FAT3: variants seen among roughly 807,000 people sequenced by gnomAD.
The protein encoded by FAT3 is protocadherin Fat 3.
FAT3 carries 95 observed loss-of-function variants against 310.2 expected under a neutral mutation model. The ratio of observed to expected loss-of-function variants is 0.31; its 90% CI spans 0.26 to 0.36. FAT3 has a LOEUF of 0.36. FAT3 is among the 10% of genes least tolerant of loss of function. The pLI is 1.00. For missense variants in FAT3, 5,408 were observed against 5,715.6 expected (o/e 0.95, Z 1.74); for synonymous variants, 2,314 against 2,192.9 (o/e 1.06, Z -1.54).
chr11:92,719,234 C>T (rs1467371522), intron 4 of FAT3, among the ~76,000 whole-genome samples: 1 of 152,188 alleles, frequency 6.6e-6, no homozygotes, highest in African/African-American at 2.4e-5. Flanking sequence ...TTAGCATTTC[C>T]TCCTCTATTA....
intron 2 of FAT3, among the ~76,000 whole-genome samples, chr11:92,415,220 G>A (rs991257110): frequency 6.6e-6 from 1 of 152,140 alleles, no homozygotes; most frequent in Non-Finnish European, 1.5e-5. Context: ...CTCTTTATAA[G>A]TTACAAACCT....
At chr11:92,662,027 A>G (rs1288116095) in intron 3 of FAT3, among the ~76,000 whole-genome samples, 3 of 152,250 alleles carry the variant, frequency 2.0e-5, no homozygotes, top group African/African-American at 7.2e-5. Context: ...CTACCTCTAT[A>G]TTAATATTAT....
chr11:92,325,958 A>G (rs1394090794), intron 1 of FAT3, among the ~76,000 whole-genome samples: 1 of 152,144 alleles, frequency 6.6e-6, no homozygotes, highest in Non-Finnish European at 1.5e-5. Context: ...GGGGATGTGT[A>G]TATTTCTTTT....
At chr11:92,753,798 G>GTATATACATATATATATATATATATATA in intron 4 of FAT3, among the ~76,000 whole-genome samples, 1 of 119,116 alleles carries the variant, frequency 8.4e-6, no homozygotes, top group East Asian at 2.3e-4. Flanking sequence ...GTGTGTGTGT[G>GTATATACATATATATATATATATATATA]TATATATATA....
In FAT3 at chr11:92,225,109, G is replaced by T. The variant is rs1218639781; in HGVS notation, c.-83G>T. On this transcript the variant is annotated 5_prime_UTR_variant, in exon 1 of 28. Coordinates refer to ENST00000525166, the MANE Select transcript of FAT3 (RefSeq NM_001367949.2). ...GGCTCGCCCGGAGCAAGAGCGCCGA[G>T]CACCGGGTGAAGAAGACCACGGGGG... Among the ~76,000 whole-genome samples, 3 of 152,172 alleles carry T rather than the reference G, an allele frequency of 2.0e-5. No homozygotes were observed. The highest frequency in any genetic ancestry group is 6.5e-5 in the Admixed American group (1 of 15,290).
intron 2 of FAT3, among the ~76,000 whole-genome samples, chr11:92,381,590 G>A (rs532460874): frequency 1.3e-5 from 2 of 152,178 alleles, no homozygotes; most frequent in African/African-American, 2.4e-5. Flanking sequence ...GTTGTAAAAC[G>A]TAACATTAAT....
intron 1 of FAT3, among the ~76,000 whole-genome samples, chr11:92,318,833 G>A (rs2134483994): frequency 6.6e-6 from 1 of 152,256 alleles, no homozygotes; most frequent in Non-Finnish European, 1.5e-5. Context: ...GGCCAAGGAG[G>A]GTGTTTTGGT....
chr11:92,867,715 G>C (rs1949283953), intron 22 of FAT3, among the ~76,000 whole-genome samples: 1 of 152,176 alleles, frequency 6.6e-6, no homozygotes, highest in Non-Finnish European at 1.5e-5. Flanking sequence ...AGGAATAGGA[G>C]ATCTTGGAAC....
At chr11:92,508,283 T>C (rs569146803) in intron 2 of FAT3, among the ~76,000 whole-genome samples, 40 of 152,228 alleles carry the variant, frequency 2.6e-4, no homozygotes, top group Non-Finnish European at 4.7e-4. Flanking sequence ...TTGGTAAACA[T>C]AAAATCACCT....
chr11:92,471,383 A>G (rs1951898122), intron 2 of FAT3, among the ~76,000 whole-genome samples: 1 of 151,752 alleles, frequency 6.6e-6, no homozygotes, highest in Non-Finnish European at 1.5e-5. Context: ...AGCTTAACAG[A>G]AAAATGGCAA....
intron 1 of FAT3, among the ~76,000 whole-genome samples, chr11:92,255,143 G>A (rs1865266292): frequency 1.3e-5 from 2 of 152,076 alleles, no homozygotes; most frequent in South Asian, 4.2e-4. Flanking sequence ...TCTGACTAAT[G>A]TCCCTATGAA....
chr11:92,794,356 T>C (rs10830948), intron 9 of FAT3, among the ~76,000 whole-genome samples: 49,019 of 152,062 alleles, frequency 0.32, 8,182 homozygotes, highest in Non-Finnish European at 0.34. Flanking sequence ...TTTTTTCTTT[T>C]CCCCGTATTC....
At chr11:92,434,374 T>G (rs1456665380) in intron 2 of FAT3, among the ~76,000 whole-genome samples, 1 of 152,204 alleles carries the variant, frequency 6.6e-6, no homozygotes, top group Non-Finnish European at 1.5e-5. Context: ...CTGTTTACTC[T>G]TTAAAATAAA....
At chr11:92,307,086 T>C (rs923124290) in intron 1 of FAT3, among the ~76,000 whole-genome samples, 5 of 151,784 alleles carry the variant, frequency 3.3e-5, no homozygotes, top group African/African-American at 1.2e-4. Flanking sequence ...CATGAGCCAC[T>C]GTGCCTGGCT....
chr11:92,530,244 C>T (rs1034940785), intron 3 of FAT3, among the ~76,000 whole-genome samples: 1 of 152,086 alleles, frequency 6.6e-6, no homozygotes, highest in Non-Finnish European at 1.5e-5. Flanking sequence ...GCTTGCTAGA[C>T]TATAGAGTCT....
At chr11:92,782,879 T>G (rs1946789089) in intron 7 of FAT3, among the ~76,000 whole-genome samples, 1 of 152,190 alleles carries the variant, frequency 6.6e-6, no homozygotes, top group Non-Finnish European at 1.5e-5. Flanking sequence ...GGTTTTTACC[T>G]TGAAGATGTG....
intron 2 of FAT3, among the ~76,000 whole-genome samples, chr11:92,477,772 A>T (rs1369790664): frequency 6.6e-6 from 1 of 152,252 alleles, no homozygotes; most frequent in South Asian, 2.1e-4. Flanking sequence ...AGGTTCACTG[A>T]TTTTTTCTAT....
intron 2 of FAT3, among the ~76,000 whole-genome samples, chr11:92,476,352 A>G (rs1309740661): frequency 6.6e-6 from 1 of 152,168 alleles, no homozygotes; most frequent in Non-Finnish European, 1.5e-5. Flanking sequence ...AAGCCATCTA[A>G]GTACATTTGG....
chr11:92,811,731 T>C (rs1947678467), intron 13 of FAT3, among the ~76,000 whole-genome samples: 1 of 152,180 alleles, frequency 6.6e-6, no homozygotes, highest in Non-Finnish European at 1.5e-5. Flanking sequence ...TAAGAGCTTA[T>C]ATTCAAAGCT....
Sources: allele counts gnomAD v4.1 joint callset (sites outside exome capture counted in the v4.1 genomes callset), GRCh38; gene constraint gnomAD v4.1.1; transcripts MANE v1.5; gene names NCBI Gene and HGNC (gene_info 2026-07-23, HGNC 2026-07-21).